Variants in PDE8A observed in about 807,000 individuals in gnomAD.
PDE8A encodes the protein high affinity cAMP-specific and IBMX-insensitive 3',5'-cyclic phosphodiesterase 8A.
In PDE8A, 59 loss-of-function variants were observed where a neutral mutation model predicts 105.0. The ratio of observed to expected loss-of-function variants is 0.56; its 90% CI spans 0.46 to 0.70. The LOEUF is 0.70. Among genes scored for constraint, PDE8A ranks in the 30% least tolerant of loss-of-function variants. The pLI, the probability that PDE8A is intolerant of heterozygous loss-of-function variation, is 0.00. For missense variants in PDE8A, 1,014 were observed against 1,045.9 expected, an observed-to-expected ratio of 0.97 and a Z score of 0.42; for synonymous variants, 355 against 371.9, an observed-to-expected ratio of 0.95 and a Z score of 0.52.
intron 1 of PDE8A, among the ~76,000 whole-genome samples, chr15:85,019,014 C>T (rs186954136): frequency 6.6e-5 from 10 of 152,226 alleles, no homozygotes; most frequent in African/African-American, 2.4e-4. Flanking sequence ...TATAGACTCT[C>T]CTAGCAGTAT....
Position 85,100,019 on chromosome 15 carries a change from A to G in PDE8A, c.946A>G (p.Ile316Val). 1.2e-6 allele frequency: 2 copies of G among 1,610,170 alleles called. No homozygotes were observed. The highest frequency in any genetic ancestry group is 1.7e-6 in the Non-Finnish European group (2 of 1,178,056). ...IIPVIGQGGK[I>V]RHYVSIIRVC... Reference sequence around the variant, plus strand: ...TGCATTGTTTTTTACTTGCAGAAAAATTAGACACTATGTGTCCATTATCAG... The same window carrying G: ...TGCATTGTTTTTTACTTGCAGAAAAGTTAGACACTATGTGTCCATTATCAG... The change falls in exon 10 of 22, where the codon ATT becomes GTT. Residue 316 changes from isoleucine (I) to valine (V), a missense_variant. Ile to Val is a conservative substitution (Grantham distance 29). Coordinates refer to ENST00000394553, the MANE Select transcript of PDE8A (RefSeq NM_002605.3).
chr15:85,084,458 T>G (rs1439359047), intron 6 of PDE8A, among the ~76,000 whole-genome samples: 1 of 152,094 alleles, frequency 6.6e-6, no homozygotes, highest in Non-Finnish European at 1.5e-5. Context: ...ACAAAAGAGA[T>G]TTTTACGCTG....
intron 1 of PDE8A, among the ~76,000 whole-genome samples, chr15:85,030,765 G>A (rs1480750981): frequency 2.6e-5 from 4 of 152,116 alleles, no homozygotes; most frequent in Admixed American, 2.6e-4. Flanking sequence ...ATCTGGCAGA[G>A]CCCTACTTTT....
chr15:85,094,284 G>A (rs1173964019), intron 8 of PDE8A, among the ~76,000 whole-genome samples: 2 of 152,114 alleles, frequency 1.3e-5, no homozygotes, highest in Non-Finnish European at 2.9e-5. Flanking sequence ...ATGTGCAGCT[G>A]CAGAAATCTT....
chr15:85,011,147 T>A (rs1567227540), intron 1 of PDE8A, among the ~76,000 whole-genome samples: 1 of 152,216 alleles, frequency 6.6e-6, no homozygotes, highest in Non-Finnish European at 1.5e-5. Flanking sequence ...GAACTTTAGC[T>A]GTTCTTTTTC....
At chr15:85,127,748 T>C (rs949337532) in intron 20 of PDE8A, among the ~76,000 whole-genome samples, 2 of 152,128 alleles carry the variant, frequency 1.3e-5, no homozygotes, top group African/African-American at 2.4e-5. Flanking sequence ...TCTACCCAAA[T>C]TGGTGTTTCA....
intron 1 of PDE8A, among the ~76,000 whole-genome samples, chr15:85,027,385 C>T (rs1057478256): frequency 7.2e-5 from 11 of 152,160 alleles, no homozygotes; most frequent in African/African-American, 2.2e-4. Context: ...ACAGCTACCT[C>T]GCCTGAGCAA....
intron 5 of PDE8A, among the ~76,000 whole-genome samples, chr15:85,079,134 T>C (rs2081425742): frequency 6.6e-6 from 1 of 152,230 alleles, no homozygotes; most frequent in South Asian, 2.1e-4. Context: ...CACTTATGCA[T>C]ATATGTATAA....
At chr15:85,055,182 T>A (rs1162521107) in intron 1 of PDE8A, among the ~76,000 whole-genome samples, 1 of 152,230 alleles carries the variant, frequency 6.6e-6, no homozygotes, top group Non-Finnish European at 1.5e-5. Context: ...AGAGACAGTT[T>A]GTTATAATTT....
chr15:85,046,515 A>G (rs1023505516), intron 1 of PDE8A, among the ~76,000 whole-genome samples: 2 of 152,236 alleles, frequency 1.3e-5, no homozygotes, highest in Non-Finnish European at 2.9e-5. Flanking sequence ...ATTCCAAAAT[A>G]TTTTTTGAAT....
intron 1 of PDE8A, among the ~76,000 whole-genome samples, chr15:85,002,965 T>C (rs561852136): frequency 1.3e-5 from 2 of 152,342 alleles, no homozygotes; most frequent in East Asian, 1.9e-4. Flanking sequence ...TCTTATTATA[T>C]CACAACTATA....
chr15:85,068,683 A>G (rs866019803), intron 3 of PDE8A, among the ~76,000 whole-genome samples: 11 of 152,144 alleles, frequency 7.2e-5, no homozygotes, highest in Non-Finnish European at 1.5e-4. Context: ...AGGTGGGCCA[A>G]ATGGCTGCCG....
At chr15:85,036,650 G>A (rs778615877) in intron 1 of PDE8A, among the ~76,000 whole-genome samples, 1 of 152,172 alleles carries the variant, frequency 6.6e-6, no homozygotes, top group South Asian at 2.1e-4. Flanking sequence ...GACTCCAGCA[G>A]TAAAGGTTGT....
intron 6 of PDE8A, among the ~76,000 whole-genome samples, chr15:85,085,511 A>G (rs2081537039): frequency 6.6e-6 from 1 of 152,130 alleles, no homozygotes; most frequent in South Asian, 2.1e-4. Context: ...AAGCCTGGCC[A>G]ACATGGCGAA....
At chr15:85,011,841 A>G (rs2080244263) in intron 1 of PDE8A, among the ~76,000 whole-genome samples, 1 of 152,180 alleles carries the variant, frequency 6.6e-6, no homozygotes, top group Admixed American at 6.5e-5. Context: ...AACTCAAACA[A>G]ATTTACAAGA....
intron 19 of PDE8A, among the ~76,000 whole-genome samples, chr15:85,123,937 C>A (rs1567302427): frequency 6.6e-6 from 1 of 152,192 alleles, no homozygotes; most frequent in South Asian, 2.1e-4. Flanking sequence ...TCACTAATAT[C>A]CCCCTCCCTT....
chr15:85,090,860 G>GTC, intron 7 of PDE8A, 184 bp from the exon 8 acceptor site: 1 of 661,628 alleles, frequency 1.5e-6, no homozygotes. Flanking sequence ...GCAGAAGCTC[G>GTC]TCTGGGCTCC....
At chr15:85,090,275 T>C (rs2081619930) in intron 7 of PDE8A, among the ~76,000 whole-genome samples, 1 of 152,190 alleles carries the variant, frequency 6.6e-6, no homozygotes, top group African/African-American at 2.4e-5. Context: ...ATAATATTAG[T>C]AAGAACAACA....
At chr15:85,067,570 CTTTA>C (rs768908167) in intron 3 of PDE8A, among the ~76,000 whole-genome samples, 3 of 152,076 alleles carry the variant, frequency 2.0e-5, no homozygotes, top group Non-Finnish European at 4.4e-5. Flanking sequence ...GATGAATGGG[CTTTA>C]TTTATTATAC....
Sources: allele counts gnomAD v4.1 joint callset (sites outside exome capture counted in the v4.1 genomes callset), GRCh38; gene constraint gnomAD v4.1.1; transcripts MANE v1.5; gene names NCBI Gene and HGNC (gene_info 2026-07-23, HGNC 2026-07-21).